Variants in AGPAT5 observed in about 807,000 individuals in gnomAD.
The protein encoded by AGPAT5 is 1-acylglycerol-3-phosphate O-acyltransferase 5, also known as 1-acyl-sn-glycerol-3-phosphate acyltransferase epsilon.
AGPAT5 carries 46 observed loss-of-function variants against 45.6 expected under a neutral mutation model. The ratio of observed to expected loss-of-function variants is 1.01; its 90% CI spans 0.80 to 1.29. The LOEUF is 1.29. Among genes scored for constraint, AGPAT5 ranks in the 50% most tolerant of loss-of-function variants. The pLI is 0.00. For synonymous variants in AGPAT5, 272 were observed against 167.0 expected (o/e 1.63, Z -4.85); for missense variants, 673 against 450.7 (o/e 1.49, Z -4.47).
chr8:6,742,228 G>T (rs1190161326), intron 5 of AGPAT5, among the ~76,000 whole-genome samples: 3 of 152,172 alleles, frequency 2.0e-5, no homozygotes, highest in Non-Finnish European at 4.4e-5. Flanking sequence ...ATCTAAATCT[G>T]TGTGAGGATT....
chr8:6,732,417 ATGTT>A (rs1357980811), intron 3 of AGPAT5, 140 bp from the exon 4 acceptor site: 1 of 508,104 alleles, frequency 2.0e-6, no homozygotes, highest in Non-Finnish European at 3.3e-6. Context: ...TTAGAAGCTA[ATGTT>A]TGAAGATATT....
At chr8:6,709,719 CTT>C (rs796312751) in intron 1 of AGPAT5, among the ~76,000 whole-genome samples, 9 of 148,448 alleles carry the variant, frequency 6.1e-5, no homozygotes, top group African/African-American at 2.2e-4. Context: ...GTCTTTTTAA[CTT>C]TTTTTTTTTC....
At chr8:6,737,895 A>G (rs1018942251) in intron 4 of AGPAT5, among the ~76,000 whole-genome samples, 2 of 152,176 alleles carry the variant, frequency 1.3e-5, no homozygotes, top group African/African-American at 2.4e-5. Flanking sequence ...GCTAGCTTCT[A>G]AGTTTTTTCC....
chr8:6,709,050 C>A, intron 1 of AGPAT5, 163 bp downstream of exon 1: 3 of 758,950 alleles, frequency 4.0e-6, no homozygotes, highest in Non-Finnish European at 4.5e-6. Flanking sequence ...TGCTTCCTGC[C>A]GTTCTGCCGA....
chr8:6,745,311 G>A (rs1801402924), intron 5 of AGPAT5: 1 of 154,284 alleles, frequency 6.5e-6, no homozygotes, highest in Non-Finnish European at 1.5e-5. Flanking sequence ...TTCTCTGCAG[G>A]GGTTTCTCCC....
chr8:6,732,020 C>T (rs1563292418), intron 3 of AGPAT5, among the ~76,000 whole-genome samples: 1 of 152,192 alleles, frequency 6.6e-6, no homozygotes, highest in Non-Finnish European at 1.5e-5. Context: ...CTTTTTTAAC[C>T]TTAATTACCA....
intron 6 of AGPAT5, among the ~76,000 whole-genome samples, chr8:6,754,767 T>C (rs927487868): frequency 1.3e-5 from 2 of 152,168 alleles, no homozygotes; most frequent in African/African-American, 4.8e-5. Context: ...GCACTAAAAG[T>C]TGTCACATGA....
chr8:6,714,036 A>G (rs982455570), intron 1 of AGPAT5, among the ~76,000 whole-genome samples: 10 of 152,216 alleles, frequency 6.6e-5, no homozygotes, highest in African/African-American at 1.7e-4. Context: ...TTTACTTAGA[A>G]TTGGAGAAGG....
At chr8:6,711,577 T>C (rs1800156089) in intron 1 of AGPAT5, among the ~76,000 whole-genome samples, 3 of 152,232 alleles carry the variant, frequency 2.0e-5, no homozygotes, top group Non-Finnish European at 4.4e-5. Context: ...TTGAGAGGCA[T>C]TGATTCAAGT....
intron 1 of AGPAT5, among the ~76,000 whole-genome samples, chr8:6,710,247 G>T (rs189743273): frequency 6.6e-6 from 1 of 152,204 alleles, no homozygotes; most frequent in East Asian, 1.9e-4. Context: ...TTTTTAAATG[G>T]CTGTAAAACC....
At chr8:6,727,248 C>G (rs1205285100) in intron 2 of AGPAT5, among the ~76,000 whole-genome samples, 2 of 152,180 alleles carry the variant, frequency 1.3e-5, no homozygotes, top group Admixed American at 1.3e-4. Flanking sequence ...TCTCTCTTCC[C>G]TTGTTTTCGC....
At chr8:6,738,971 A>T (rs931543155) in intron 4 of AGPAT5, among the ~76,000 whole-genome samples, 3 of 151,780 alleles carry the variant, frequency 2.0e-5, no homozygotes, top group African/African-American at 7.3e-5. Flanking sequence ...TAGTTCTAGG[A>T]TTTATTTATA....
In AGPAT5 at chr8:6,760,202, G is replaced by A. The variant is rs191510851; in HGVS notation, c.*2814G>A. The stretch of plus-strand genomic sequence containing the variant: ...TAAGGCCAAGTTCAAGACCAGCCTG[G>A]GCAACATATCGAGAACCTGTCTACA... On this transcript the variant is annotated 3_prime_UTR_variant, in exon 8 of 8. Coordinates refer to ENST00000285518, the MANE Select transcript of AGPAT5 (RefSeq NM_018361.5). 6.6e-6 allele frequency among the ~76,000 whole-genome samples: 1 copy of A among 152,072 alleles called. No individual in the cohort carries two copies. Among genetic ancestry groups the A allele is most frequent in the African/African-American group, 2.4e-5 (1 of 41,456 alleles).
intron 1 of AGPAT5, among the ~76,000 whole-genome samples, chr8:6,709,896 T>C (rs1190960065): frequency 6.6e-6 from 1 of 152,088 alleles, no homozygotes; most frequent in Non-Finnish European, 1.5e-5. Flanking sequence ...AGTGTCTCCT[T>C]GGAAAGAAAA....
In AGPAT5 at chr8:6,732,188, G is replaced by A. The variant is rs542315896; in HGVS notation, c.406-373G>A. Among the ~76,000 whole-genome samples, 459 of 128,448 alleles carry A rather than the reference G, an allele frequency of 3.6e-3. 1 individual carries two copies. The highest frequency in any genetic ancestry group is 0.012 in the Middle Eastern group (3 of 244). The allele number at this position is 128,448 out of a possible 152,430, so 84.3% of individuals were successfully genotyped here. ...CCCTAAAGATCGTGAGACATGTTAAGGACGCTTTTTAGTGACTCTGTAATA... is the reference window on the plus strand; with the variant it reads ...CCCTAAAGATCGTGAGACATGTTAAAGACGCTTTTTAGTGACTCTGTAATA... On this transcript the variant is annotated intron_variant, in intron 3 of 7. Transcript: ENST00000285518.
rs753472774 is a variant in AGPAT5, at chr8:6,759,097, G to A, written c.*1709G>A. 9 of 152,136 alleles carry A rather than the reference G, an allele frequency of 5.9e-5. No individual in the cohort carries two copies. The highest frequency in any genetic ancestry group is 1.2e-4 in the African/African-American group (5 of 41,436). The allele number at this position is 152,136 out of a possible 1,614,324, so 9.4% of individuals were successfully genotyped here. ...TCAGGATATAGTTGGCCTAATAATC[G>A]GGGCATGGGTAAAACTTATGAAAAT... On this transcript the variant is annotated 3_prime_UTR_variant, in exon 8 of 8. Coordinates refer to ENST00000285518, the MANE Select transcript of AGPAT5 (RefSeq NM_018361.5).
At chr8:6,716,562 C>T (rs1043668357) in intron 1 of AGPAT5, among the ~76,000 whole-genome samples, 8 of 151,894 alleles carry the variant, frequency 5.3e-5, no homozygotes, top group East Asian at 3.9e-4. Context: ...GGGCCAGGTG[C>T]GGAGGCTCAC....
At chr8:6,741,603 A>T in intron 4 of AGPAT5, 58 bp from the exon 5 acceptor site, 2 of 1,243,110 alleles carry the variant, frequency 1.6e-6, no homozygotes, top group Non-Finnish European at 2.3e-6. Flanking sequence ...TTTTTAGGTT[A>T]ACAATAACAA....
intron 6 of AGPAT5, among the ~76,000 whole-genome samples, chr8:6,748,405 T>G (rs1034854830): frequency 1.2e-4 from 19 of 152,222 alleles, no homozygotes; most frequent in African/African-American, 4.3e-4. Flanking sequence ...AACATGGAAA[T>G]AGGCAAACAG....
Sources: gnomAD v4.1 joint callset for allele counts (sites outside exome capture counted in the v4.1 genomes callset) on GRCh38, gnomAD v4.1.1 for gene constraint, MANE v1.5 for transcripts, NCBI Gene and HGNC (gene_info 2026-07-23, HGNC 2026-07-21) for gene names.